CNST: variants seen among roughly 807,000 people sequenced by gnomAD.
The protein encoded by CNST is consortin, connexin sorting protein.
A neutral mutation model predicts 72.4 loss-of-function variants in CNST; 39 were observed. The ratio of observed to expected loss-of-function variants is 0.54; its 90% confidence interval spans 0.42 to 0.70. CNST has a LOEUF of 0.70. Ranked by LOEUF, CNST falls within the 30% of genes least tolerant of loss-of-function variation. The pLI is 0.00. For synonymous variants in CNST, 332 were observed against 320.1 expected, an observed-to-expected ratio of 1.04 and a Z score of -0.40; for missense variants, 871 against 868.5, an observed-to-expected ratio of 1.00 and a Z score of -0.04.
chr1:246,654,819 CTG>C lies in CNST; in HGVS notation c.1837-5376_1837-5375del, dbSNP rs575062769. ...TGCTATCTATATGTAAATTGCTTAT[CTG>C]TGTTTTTTTTTTTATTCTTTGGCAT... On this transcript the variant is annotated intron_variant, in intron 9 of 10. Coordinates refer to ENST00000366513, the MANE Select transcript of CNST (RefSeq NM_152609.3). Among the ~76,000 whole-genome samples the C allele has an allele frequency of 9.4e-5, 4 of 42,386 alleles. No individual in the cohort carries two copies. In the South Asian group the frequency reaches 3.3e-3, roughly 35 times the overall value. 27.8% of individuals were successfully genotyped at this position (42,386 alleles called of 152,430 possible). A position where few individuals can be genotyped will look rare whatever the true frequency, so the allele number is the denominator to read the frequency against.
Position 246,582,544 on chromosome 1 carries a change from AC to A in CNST, c.-51-8963del, listed in dbSNP as rs562387800. Among the ~76,000 whole-genome samples the A allele has an allele frequency of 2.6e-5, 4 of 151,300 alleles. No homozygotes were observed. The East Asian group carries it at 7.8e-4, about 30-fold the overall frequency. On this transcript the variant is annotated intron_variant, in intron 1 of 10. Coordinates refer to ENST00000366513, the MANE Select transcript of CNST (RefSeq NM_152609.3). ...TACGTTTTGTATCCTTCTCCCCTTT[AC>A]CCCCTAGTAATTGGTTCATGGCCCA...
chr1:246,660,263 C>T lies in CNST; in HGVS notation c.1901C>T (p.Pro634Leu), dbSNP rs565282365. The T allele has an allele frequency of 5.0e-6, 8 of 1,613,704 alleles. No homozygotes were observed. Among genetic ancestry groups the T allele is most frequent in the African/African-American group, 1.3e-5 (1 of 75,012 alleles). ...KKRNDTVGDH[P>L]AQMQHKPSKR... is the part of the protein sequence containing the mutation. ...AGGAATGATACTGTAGGAGATCATC[C>T]TGCCCAAATGCAACACAAACCATCT... Residue 634 changes from proline to leucine, a missense_variant, in exon 10 of 11, where the codon CCT becomes CTT. Transcript: ENST00000366513.
intron 10 of CNST, among the ~76,000 whole-genome samples, chr1:246,664,190 T>A (rs925115808): frequency 1.3e-5 from 2 of 152,232 alleles, no homozygotes; most frequent in Non-Finnish European, 2.9e-5. Flanking sequence ...AAATGTCCCA[T>A]AATTGTTTAA....
intron 10 of CNST, among the ~76,000 whole-genome samples, chr1:246,664,119 A>G (rs1025388299): frequency 3.3e-5 from 5 of 152,248 alleles, no homozygotes; most frequent in African/African-American, 9.6e-5. Context: ...ACATCCTTCA[A>G]TGAAAGAACA....
At chr1:246,652,936 G>A (rs992982249) in intron 9 of CNST, among the ~76,000 whole-genome samples, 16 of 151,514 alleles carry the variant, frequency 1.1e-4, no homozygotes, top group Non-Finnish European at 2.1e-4. Flanking sequence ...CCTGGGAGGC[G>A]GAGCTTGCAG....
intron 9 of CNST, among the ~76,000 whole-genome samples, chr1:246,656,114 G>A (rs1490053107): frequency 1.3e-5 from 2 of 152,314 alleles, no homozygotes; most frequent in East Asian, 1.9e-4. Flanking sequence ...AGCCAACTGT[G>A]TGTTCTTGTT....
At position 246,666,016 on chromosome 1, in the gene CNST, C is replaced by T. The variant is rs1667376623; in HGVS notation, c.*111C>T. 3 of 743,378 alleles carry T rather than the reference C, an allele frequency of 4.0e-6. No homozygotes were observed. Among genetic ancestry groups the T allele is most frequent in the Non-Finnish European group, 6.5e-6 (3 of 462,138 alleles). The allele number at this position is 743,378 out of a possible 1,614,324, so 46.0% of individuals were successfully genotyped here. The stretch of plus-strand genomic sequence containing the variant: ...ATTCCCCCTTCCCTCTGTTAGGAAC[C>T]AAGGACATCAGAAATAGCAACTTTA... On this transcript the variant is annotated 3_prime_UTR_variant, in exon 11 of 11. Transcript: ENST00000366513.
intron 2 of CNST, among the ~76,000 whole-genome samples, chr1:246,592,888 A>C (rs1661638781): frequency 1.3e-5 from 2 of 152,218 alleles, no homozygotes; most frequent in African/African-American, 4.8e-5. Context: ...GGCCTGAATC[A>C]CAGGGCCCCC....
At chr1:246,570,897 C>G (rs77096016) in intron 1 of CNST, among the ~76,000 whole-genome samples, 4 of 152,104 alleles carry the variant, frequency 2.6e-5, no homozygotes, top group African/African-American at 9.7e-5. Flanking sequence ...GCATTATATG[C>G]TTAATGAGAA....
Position 246,591,543 on chromosome 1 carries a change from G to T in CNST, c.-20G>T. On this transcript the variant is annotated 5_prime_UTR_variant, in exon 2 of 11. Transcript: ENST00000366513. ...AAGGTCTTTAATGTAACTTTAAATG[G>T]TTCACCAAAGGATGCTCTAATGGAT... 1.9e-6 allele frequency: 3 copies of T among 1,613,544 alleles called. No homozygotes were observed. The highest frequency in any genetic ancestry group is 1.1e-5 in the South Asian group (1 of 91,012).
intron 2 of CNST, among the ~76,000 whole-genome samples, chr1:246,602,155 G>A (rs1167165666): frequency 6.6e-6 from 1 of 152,170 alleles, no homozygotes; most frequent in Non-Finnish European, 1.5e-5. Context: ...TGTTACAATT[G>A]AAAGTACAAA....
intron 10 of CNST, 85 bp from the exon 11 acceptor site, chr1:246,665,615 A>T: frequency 1.8e-6 from 2 of 1,086,614 alleles, no homozygotes; most frequent in Non-Finnish European, 2.8e-6. Context: ...AGAAATGTGT[A>T]GTTATCTTAA....
chr1:246,605,506 A>G, intron 2 of CNST, among the ~76,000 whole-genome samples: 1 of 152,228 alleles, frequency 6.6e-6, no homozygotes, highest in Non-Finnish European at 1.5e-5. Flanking sequence ...GCCTGGGTGC[A>G]GACGGGCTGA....
intron 3 of CNST, among the ~76,000 whole-genome samples, chr1:246,631,308 A>G (rs1388234432): frequency 6.6e-6 from 1 of 152,166 alleles, no homozygotes; most frequent in Non-Finnish European, 1.5e-5. Context: ...TCTAAACAAT[A>G]TTAATCAACT....
chr1:246,566,830 G>A (rs1018375582), intron 1 of CNST, 167 bp downstream of exon 1: 1 of 396,688 alleles, frequency 2.5e-6, no homozygotes, highest in African/African-American at 2.1e-5. Context: ...CCGCCTCTCA[G>A]GTCGCCTGTT....
At chr1:246,665,601 C>G (rs1667355459) in intron 10 of CNST, 99 bp from the exon 11 acceptor site, 1 of 975,954 alleles carries the variant, frequency 1.0e-6, no homozygotes, top group African/African-American at 1.6e-5. Flanking sequence ...AGAGGACCAA[C>G]AGTAGAAATG....
At chr1:246,645,649 G>C (rs1472475162) in intron 8 of CNST, among the ~76,000 whole-genome samples, 2 of 151,652 alleles carry the variant, frequency 1.3e-5, no homozygotes, top group African/African-American at 4.8e-5. Flanking sequence ...GGATGGTCTC[G>C]ATCTCCTGAC....
intron 2 of CNST, chr1:246,608,228 C>T (rs1438970527): frequency 1.3e-5 from 2 of 152,014 alleles, no homozygotes; most frequent in Non-Finnish European, 2.9e-5. Context: ...GCCTGAGGTC[C>T]CATTGACTCA....
intron 9 of CNST, among the ~76,000 whole-genome samples, chr1:246,652,870 G>A (rs1289928397): frequency 6.6e-6 from 1 of 151,142 alleles, no homozygotes; most frequent in South Asian, 2.1e-4. Flanking sequence ...CGGGCGTGGT[G>A]GCGGGCGCCT....
Sources: allele counts gnomAD v4.1 joint callset (sites outside exome capture counted in the v4.1 genomes callset), GRCh38; gene constraint gnomAD v4.1.1; transcripts MANE v1.5; gene names NCBI Gene and HGNC (gene_info 2026-07-23, HGNC 2026-07-21).